The following GPBP1L1 variants were observed in gnomAD, a reference collection of about 807,000 sequenced individuals.
GPBP1L1 encodes the protein GC-rich promoter binding protein 1 like 1.
A neutral mutation model predicts 52.5 loss-of-function variants in GPBP1L1; 23 were observed. The ratio of observed to expected loss-of-function variants is 0.44; its 90% CI spans 0.32 to 0.62. GPBP1L1 has a LOEUF of 0.62. Ranked by LOEUF, GPBP1L1 falls within the 20% of genes least tolerant of loss-of-function variation. The probability of loss-of-function intolerance (pLI) is 0.06; values close to 1 mark genes in which losing one functional copy is unlikely to be tolerated. For synonymous variants in GPBP1L1, 243 were observed against 203.1 expected, an observed-to-expected ratio of 1.20 and a Z score of -1.67; for missense variants, 596 against 579.3, an observed-to-expected ratio of 1.03 and a Z score of -0.30.
intron 2 of GPBP1L1, among the ~76,000 whole-genome samples, chr1:45,665,644 G>A (rs1404083765): frequency 6.6e-6 from 1 of 151,096 alleles, no homozygotes; most frequent in Non-Finnish European, 1.5e-5. Context: ...AGAAGGCTGA[G>A]GCAGGAGAAT....
chr1:45,641,690 C>T (rs1186619362), intron 7 of GPBP1L1: 1 of 151,802 alleles, frequency 6.6e-6, no homozygotes, highest in Non-Finnish European at 1.5e-5. Flanking sequence ...GTGGCATAGG[C>T]CTGTATTCCC....
In GPBP1L1 at chr1:45,661,140, T is replaced by A. The variant is rs532218321; in HGVS notation, c.-1012A>T. The A allele has an allele frequency of 3.9e-5, 6 of 152,370 alleles. No individual in the cohort carries two copies. The East Asian group carries it at 9.6e-4, about 24-fold the overall frequency. The allele number at this position is 152,370 out of a possible 1,614,324, so 9.4% of individuals were successfully genotyped here. On this transcript the variant is annotated 5_prime_UTR_variant, in exon 3 of 13. Transcript: ENST00000355105. ...CTGGAAGGAGATATGAAGAATCTTC[T>A]ATGCTTTGGTAGAGAAGTCACTTAT... is the stretch of plus-strand genomic sequence containing the variant.
At chr1:45,651,711 CA>C in intron 6 of GPBP1L1, 3 of 502,710 alleles carry the variant, frequency 6.0e-6, no homozygotes, top group Non-Finnish European at 7.1e-6. Context: ...TGTCCAATGC[CA>C]AAATTCTTAG....
chr1:45,670,386 C>T (rs557700500), intron 2 of GPBP1L1, among the ~76,000 whole-genome samples: 1 of 152,336 alleles, frequency 6.6e-6, no homozygotes, highest in Non-Finnish European at 1.5e-5. Context: ...TTTTCCACTT[C>T]ATGGGTTATC....
intron 6 of GPBP1L1, among the ~76,000 whole-genome samples, chr1:45,644,557 A>AT (rs5773888): frequency 8.2e-4 from 123 of 149,884 alleles, no homozygotes; most frequent in East Asian, 1.6e-3. Flanking sequence ...TGATCACTGC[A>AT]TTTTTTTTTT....
intron 6 of GPBP1L1, among the ~76,000 whole-genome samples, chr1:45,642,976 T>G (rs899725396): frequency 6.6e-6 from 1 of 152,172 alleles, no homozygotes; most frequent in African/African-American, 2.4e-5. Flanking sequence ...AAAGAGCCCC[T>G]GTCTTCACAC....
At chr1:45,684,550 T>C (rs1164720177) in intron 2 of GPBP1L1, among the ~76,000 whole-genome samples, 9 of 152,104 alleles carry the variant, frequency 5.9e-5, no homozygotes, top group Admixed American at 5.9e-4. Context: ...AGCAATCTAG[T>C]AAATTGAATT....
chr1:45,642,593 T>C, intron 6 of GPBP1L1, 94 bp from the exon 7 acceptor site: 2 of 790,000 alleles, frequency 2.5e-6, no homozygotes, highest in South Asian at 3.0e-5. Flanking sequence ...TATCAAATAA[T>C]TACATATTTT....
chr1:45,670,048 C>T (rs183710637), intron 2 of GPBP1L1, among the ~76,000 whole-genome samples: 1 of 152,302 alleles, frequency 6.6e-6, no homozygotes, highest in East Asian at 1.9e-4. Context: ...TAGGGCAGTA[C>T]ATCTTCAACT....
intron 8 of GPBP1L1, 92 bp from the exon 9 acceptor site, chr1:45,634,328 T>G: frequency 7.6e-7 from 1 of 1,317,262 alleles, no homozygotes; most frequent in Non-Finnish European, 1.0e-6. Context: ...AAATGTTACA[T>G]GAGAACATAA....
intron 2 of GPBP1L1, among the ~76,000 whole-genome samples, chr1:45,677,750 T>C (rs565682642): frequency 1.3e-5 from 2 of 152,326 alleles, no homozygotes; most frequent in Admixed American, 6.5e-5. Context: ...TAAAACATTA[T>C]CTCGAATTAT....
chr1:45,687,505 TC>T (rs1182345120), upstream of GPBP1L1: 1 of 152,256 alleles, frequency 6.6e-6, no homozygotes, highest in Non-Finnish European at 1.5e-5. Flanking sequence ...CTACATGTCT[TC>T]AGTTTTATCC....
chr1:45,673,183 A>G (rs1569874877), intron 2 of GPBP1L1, among the ~76,000 whole-genome samples: 1 of 152,170 alleles, frequency 6.6e-6, no homozygotes, highest in East Asian at 1.9e-4. Context: ...TCATGAATAC[A>G]TAGGTGGGAA....
At chr1:45,647,674 A>T (rs1644767568) in intron 6 of GPBP1L1, among the ~76,000 whole-genome samples, 1 of 152,170 alleles carries the variant, frequency 6.6e-6, no homozygotes, top group African/African-American at 2.4e-5. Context: ...GAGCTCAGAG[A>T]CCAGCAGCTT....
chr1:45,673,842 G>A (rs1347673996), intron 2 of GPBP1L1, among the ~76,000 whole-genome samples: 1 of 152,178 alleles, frequency 6.6e-6, no homozygotes, highest in Non-Finnish European at 1.5e-5. Flanking sequence ...CCAGGCAACA[G>A]AGCAAGACTC....
At chr1:45,647,857 TG>T (rs1394414139) in intron 6 of GPBP1L1, among the ~76,000 whole-genome samples, 1 of 152,088 alleles carries the variant, frequency 6.6e-6, no homozygotes, top group African/African-American at 2.4e-5. Context: ...GGTAGGGAAA[TG>T]GGGGACTCAT....
chr1:45,666,306 C>T (rs557184047), intron 2 of GPBP1L1, among the ~76,000 whole-genome samples: 2 of 152,002 alleles, frequency 1.3e-5, no homozygotes, highest in African/African-American at 4.8e-5. Flanking sequence ...CCACCACACC[C>T]GGCTAATTTT....
intron 2 of GPBP1L1, among the ~76,000 whole-genome samples, chr1:45,664,333 G>A (rs1055629143): frequency 4.7e-5 from 7 of 148,744 alleles, no homozygotes; most frequent in East Asian, 2.0e-4. Context: ...AAAAAAGGCC[G>A]GGCGTGGTGG....
chr1:45,675,196 C>T (rs1645124326), intron 2 of GPBP1L1, among the ~76,000 whole-genome samples: 1 of 152,002 alleles, frequency 6.6e-6, no homozygotes. Context: ...ACTTGGGAGG[C>T]TGAGGCAGGA....
Sources: allele counts gnomAD v4.1 joint callset (sites outside exome capture counted in the v4.1 genomes callset), GRCh38; gene constraint gnomAD v4.1.1; transcripts MANE v1.5; gene names NCBI Gene and HGNC (gene_info 2026-07-23, HGNC 2026-07-21).